Variants in DYM observed in about 807,000 individuals in gnomAD.
The protein encoded by DYM is dyggve-Melchior-Clausen syndrome protein.
DYM carries 78 observed loss-of-function variants against 93.1 expected under a neutral mutation model. The observed-to-expected ratio is 0.84, with a 90% CI of 0.70 to 1.01. The LOEUF (loss-of-function observed/expected upper bound fraction) is 1.01. DYM is among the 50% of genes least tolerant of loss of function. The pLI, the probability that DYM is intolerant of heterozygous loss-of-function variation, is 0.00. For missense variants in DYM, 789 were observed against 845.0 expected (o/e 0.93, Z 0.82); for synonymous variants, 321 against 319.7 (o/e 1.00, Z -0.04).
At chr18:49,190,652 TCTGTATAAATGTTAC>T (rs2090877254) in intron 14 of DYM, among the ~76,000 whole-genome samples, 1 of 152,208 alleles carries the variant, frequency 6.6e-6, no homozygotes, top group African/African-American at 2.4e-5. Context: ...TTTTTAAGTC[TCTGTATAAATGTTAC>T]CTGTATAAAA....
intron 13 of DYM, among the ~76,000 whole-genome samples, chr18:49,215,590 C>G (rs186508495): frequency 1.3e-5 from 2 of 152,150 alleles, no homozygotes; most frequent in Non-Finnish European, 2.9e-5. Context: ...ACAGATTATT[C>G]TAGATGTGTC....
At chr18:49,424,848 A>T (rs1014352249) in intron 2 of DYM, among the ~76,000 whole-genome samples, 14 of 152,274 alleles carry the variant, frequency 9.2e-5, no homozygotes, top group African/African-American at 3.4e-4. Flanking sequence ...GATGTGAAAG[A>T]CCTCTTCAAG....
intron 2 of DYM, among the ~76,000 whole-genome samples, chr18:49,412,301 G>A (rs1208503695): frequency 6.6e-6 from 1 of 150,978 alleles, no homozygotes; most frequent in Non-Finnish European, 1.5e-5. Flanking sequence ...GGGTGCACCT[G>A]CAGTAAAACT....
Position 49,286,535 on chromosome 18 carries a change from T to G in DYM, c.845A>C (p.Asn282Thr). The G allele has an allele frequency of 1.9e-6, 3 of 1,614,124 alleles. No homozygotes were observed. Among genetic ancestry groups the G allele is most frequent in the Middle Eastern group, 1.7e-4 (1 of 6,060 alleles). The change falls in exon 9 of 18, where the codon AAC becomes ACC. Residue 282 changes from asparagine (N) to threonine (T), a missense_variant. Physicochemically the swap from Asn to Thr is moderately conservative, Grantham distance 65. This residue lies in a region of DYM where 450 missense variants were observed against 436.2 expected (regional missense o/e 1.03). Transcript: ENST00000675505. Reference protein sequence around the residue: ...ASPELSSPLANQSLLLLLVLA... With the variant: ...ASPELSSPLATQSLLLLLVLA... ...CACCAGCAGAAGCAGGAGACTCTGG[T>G]TGGCCAGAGGGGAAGAAAGCTCTGG...
intron 16 of DYM, among the ~76,000 whole-genome samples, chr18:49,117,878 A>G (rs942020198): frequency 1.3e-5 from 2 of 152,076 alleles, no homozygotes; most frequent in Non-Finnish European, 2.9e-5. Context: ...TAGCTTTAGC[A>G]GAGATGGGGT....
chr18:49,413,941 C>T (rs982748356), intron 2 of DYM, among the ~76,000 whole-genome samples: 1 of 151,790 alleles, frequency 6.6e-6, no homozygotes, highest in African/African-American at 2.4e-5. Context: ...ACCCAGGAGG[C>T]GGAGGTTACA....
intron 14 of DYM, among the ~76,000 whole-genome samples, chr18:49,207,890 A>G (rs1331237760): frequency 6.6e-6 from 1 of 152,182 alleles, no homozygotes; most frequent in Non-Finnish European, 1.5e-5. Flanking sequence ...CTAGTAAATA[A>G]GAGTAAGGTC....
chr18:49,393,009 A>G (rs2069481610), intron 2 of DYM, among the ~76,000 whole-genome samples: 1 of 111,640 alleles, frequency 9.0e-6, no homozygotes, highest in Non-Finnish European at 1.9e-5. Context: ...AAAAAAAAAG[A>G]AGAAGAAGAA....
chr18:49,088,892 A>G (rs2078798613), intron 17 of DYM, among the ~76,000 whole-genome samples: 2 of 152,172 alleles, frequency 1.3e-5, no homozygotes, highest in East Asian at 3.8e-4. Context: ...CCAGGGCACA[A>G]GCGATCCTCC....
At chr18:49,323,500 G>A (rs2062660165) in intron 8 of DYM, among the ~76,000 whole-genome samples, 1 of 152,204 alleles carries the variant, frequency 6.6e-6, no homozygotes, top group Admixed American at 6.5e-5. Context: ...GTGGAGCTTT[G>A]GAAGGTGATT....
rs529192940 is a variant in DYM, at chr18:49,081,981, T to C, written c.2025+15421A>G. 2.6e-5 allele frequency among the ~76,000 whole-genome samples: 4 copies of C among 152,360 alleles called. No homozygotes were observed. The South Asian group carries it at 8.3e-4, about 32-fold the overall frequency. On this transcript the variant is annotated intron_variant, in intron 17 of 17. Coordinates refer to ENST00000675505, the MANE Select transcript of DYM (RefSeq NM_001353214.3). Reference sequence around the variant, plus strand: ...CTGCATCTGCTCACTCTTCGGTATCTTCAGAGCTGGTCTTAGTTCAGAGTT... The same window carrying C: ...CTGCATCTGCTCACTCTTCGGTATCCTCAGAGCTGGTCTTAGTTCAGAGTT...
chr18:49,118,021 G>A (rs71355370), intron 16 of DYM, among the ~76,000 whole-genome samples: 2 of 30,834 alleles, frequency 6.5e-5, no homozygotes, highest in African/African-American at 9.6e-5. Flanking sequence ...TTTTTTTTTT[G>A]TGTGTGAGAC....
chr18:49,087,648 T>C (rs995206727), intron 17 of DYM, among the ~76,000 whole-genome samples: 4 of 152,260 alleles, frequency 2.6e-5, no homozygotes, highest in Non-Finnish European at 4.4e-5. Context: ...ATGGGATTGC[T>C]GGGTCAAATG....
intron 17 of DYM, among the ~76,000 whole-genome samples, chr18:49,080,785 G>A (rs1286196122): frequency 1.1e-4 from 16 of 149,994 alleles, no homozygotes; most frequent in Admixed American, 2.0e-4. Context: ...CTTCTCAGAC[G>A]GGGCGGATGC....
intron 11 of DYM, among the ~76,000 whole-genome samples, chr18:49,258,781 GAC>G (rs61429427): frequency 0.064 from 7,142 of 112,262 alleles, 302 homozygotes; most frequent in South Asian, 0.1. Flanking sequence ...AGGGATCATA[GAC>G]ACACACACAC....
intron 14 of DYM, 33 bp from the exon 15 acceptor site, chr18:49,163,820 A>T: frequency 7.3e-7 from 1 of 1,374,260 alleles, no homozygotes; most frequent in African/African-American, 1.4e-5. Flanking sequence ...AATTATATTA[A>T]AGGAACTGTT....
chr18:49,443,055 C>G (rs79378293), intron 1 of DYM, among the ~76,000 whole-genome samples: 13,791 of 151,962 alleles, frequency 0.091, 845 homozygotes, highest in East Asian at 0.31. Context: ...ACCATGTTGG[C>G]CAGGCTGGTC....
At chr18:49,388,913 CAAAAAAAAAAA>C (rs59658815) in intron 3 of DYM, among the ~76,000 whole-genome samples, 1 of 129,050 alleles carries the variant, frequency 7.7e-6, no homozygotes, top group East Asian at 2.1e-4. Flanking sequence ...CATTTTCAGA[CAAAAAAAAAAA>C]AAAAGAAAAA....
chr18:49,375,193 GACACACACACACACACAC>G (rs34631271), intron 5 of DYM, among the ~76,000 whole-genome samples: 1 of 137,946 alleles, frequency 7.2e-6, no homozygotes, highest in African/African-American at 2.7e-5. Context: ...AAGGGGAAAA[GACACACACACACACACAC>G]ACACACACAC....
Sources: gnomAD v4.1 joint callset for allele counts (sites outside exome capture counted in the v4.1 genomes callset) on GRCh38, gnomAD v4.1.1 for gene constraint, gnomAD v4.1.1 regional missense constraint, MANE v1.5 for transcripts, NCBI Gene and HGNC (gene_info 2026-07-23, HGNC 2026-07-21) for gene names.